MATR3: variants seen among roughly 807,000 people sequenced by gnomAD.
MATR3 encodes matrin 3, also known as matrin-3.
A neutral mutation model predicts 85.5 loss-of-function variants in MATR3; 4 were observed. The ratio of observed to expected loss-of-function variants is 0.05; its 90% CI spans 0.02 to 0.11. MATR3 has a LOEUF of 0.11. Ranked by LOEUF, MATR3 falls within the 10% of genes least tolerant of loss-of-function variation. The pLI is 1.00. For missense variants in MATR3, 685 were observed against 1,016.1 expected, an observed-to-expected ratio of 0.67 and a Z score of 4.43; for synonymous variants, 336 against 343.1, an observed-to-expected ratio of 0.98 and a Z score of 0.23.
At chr5:139,304,990 C>T (rs1443748589) in intron 1 of MATR3, among the ~76,000 whole-genome samples, 2 of 152,146 alleles carry the variant, frequency 1.3e-5, no homozygotes, top group Non-Finnish European at 2.9e-5. Flanking sequence ...CAACTTTGTT[C>T]TAATAAAACC....
intron 1 of MATR3, 146 bp downstream of exon 1, chr5:139,293,951 C>G: frequency 2.5e-6 from 3 of 1,209,718 alleles, no homozygotes; most frequent in Non-Finnish European, 2.1e-6. Context: ...CTCCGCGTTG[C>G]GTATGTGAGC....
chr5:139,306,131 C>T (rs776224497), intron 1 of MATR3, among the ~76,000 whole-genome samples: 1 of 152,134 alleles, frequency 6.6e-6, no homozygotes, highest in Non-Finnish European at 1.5e-5. Flanking sequence ...AATTGTTTCA[C>T]TGAAGATGTT....
At chr5:139,328,214 A>G (rs1436498454) in intron 14 of MATR3, among the ~76,000 whole-genome samples, 2 of 151,932 alleles carry the variant, frequency 1.3e-5, no homozygotes, top group East Asian at 3.8e-4. Flanking sequence ...CTTCATCAAG[A>G]AACTGTTAAG....
intron 13 of MATR3, among the ~76,000 whole-genome samples, chr5:139,325,910 T>A (rs1171920941): frequency 2.0e-5 from 3 of 152,188 alleles, no homozygotes; most frequent in Non-Finnish European, 4.4e-5. Flanking sequence ...TTCTTGCAAG[T>A]TACACGCTTT....
intron 3 of MATR3, chr5:139,279,874 T>C (rs1392973063): frequency 1.3e-5 from 2 of 152,242 alleles, no homozygotes; most frequent in Non-Finnish European, 2.9e-5. Flanking sequence ...TGCTGTGCAG[T>C]AGGTATATGC....
rs752884348 is a variant in MATR3, at chr5:139,316,208, G to T, written c.1129+20G>T. 1 of 1,564,150 alleles carries T rather than the reference G, an allele frequency of 6.4e-7. No individual in the cohort carries two copies. On this transcript the variant is annotated intron_variant, in intron 5 of 14. Transcript: ENST00000394805. Reference sequence around the variant, plus strand: ...ATCTGGGTAATTATATAAAATTCATGTTACTTTTCCCTACAGAGCCGTTAC... The same window carrying T: ...ATCTGGGTAATTATATAAAATTCATTTTACTTTTCCCTACAGAGCCGTTAC...
rs1168939782 is a variant in MATR3 at position 139,330,804 on chromosome 5, T to G, written c.*1409T>G. ...TGGATTATCTGTTGTAAACAATTTT[T>G]TTTTCTTCCCTGACACAGGGTCTCA... On this transcript the variant is annotated 3_prime_UTR_variant, in exon 15 of 15. Coordinates refer to ENST00000394805, the MANE Select transcript of MATR3 (RefSeq NM_018834.6). 2.2e-6 allele frequency: 1 copy of G among 454,108 alleles called. No individual in the cohort carries two copies. 28.1% of individuals were successfully genotyped at this position (454,108 alleles called of 1,614,324 possible).
intron 3 of MATR3, among the ~76,000 whole-genome samples, chr5:139,282,167 G>C (rs1471295535): frequency 6.6e-6 from 1 of 152,242 alleles, no homozygotes; most frequent in African/African-American, 2.4e-5. Context: ...TGACTCCTGT[G>C]AATGTTGTTG....
chr5:139,326,415 T>G, intron 14 of MATR3, 131 bp downstream of exon 14: 1 of 854,800 alleles, frequency 1.2e-6, no homozygotes, highest in Non-Finnish European at 1.8e-6. Context: ...AGATAACTTT[T>G]TATTTACTTT....
In MATR3 at chr5:139,315,702, C is replaced by G; in HGVS notation, c.980C>G (p.Pro327Arg). ...RRCQLLLEIY[P>R]EWNPDNDTGH... Reference sequence around the variant, plus strand: ...ATTTTCTGGTCTTTTTAAAGCTACCCAGAATGGAATCCTGACAATGATACA... The same window carrying G: ...ATTTTCTGGTCTTTTTAAAGCTACCGAGAATGGAATCCTGACAATGATACA... The change falls in exon 4 of 15, where the codon CCA becomes CGA. Residue 327 changes from proline to arginine, a missense_variant. Around this residue, in one of 9 missense-constraint regions of MATR3, gnomAD observed 223 missense variants for 334.4 expected, o/e 0.67. Coordinates refer to ENST00000394805, the MANE Select transcript of MATR3 (RefSeq NM_018834.6). 6.2e-7 allele frequency: 1 copy of G among 1,610,540 alleles called. No homozygotes were observed. The highest frequency in any genetic ancestry group is 8.5e-7 in the Non-Finnish European group (1 of 1,177,104).
intron 2 of MATR3, chr5:139,313,073 G>T (rs185865233): frequency 3.6e-5 from 5 of 137,730 alleles, no homozygotes; most frequent in Non-Finnish European, 1.5e-5. Flanking sequence ...ATACCAATCC[G>T]CAGCTTTTTG....
chr5:139,320,009 T>C (rs1484282380), intron 9 of MATR3, among the ~76,000 whole-genome samples: 4 of 150,274 alleles, frequency 2.7e-5, no homozygotes, highest in Non-Finnish European at 5.9e-5. Flanking sequence ...TTTTCTTGTA[T>C]TTAAAAAATA....
At chr5:139,276,469 C>G in intron 2 of MATR3, 1 of 336,466 alleles carries the variant, frequency 3.0e-6, no homozygotes, top group Non-Finnish European at 5.9e-6. Flanking sequence ...AATAACTCCT[C>G]ATAATGTGTT....
Position 139,329,503 on chromosome 5 carries a change from T to C in MATR3, c.*108T>C. 2.1e-6 allele frequency: 2 copies of C among 951,516 alleles called. No individual in the cohort carries two copies. Among genetic ancestry groups the C allele is most frequent in the Non-Finnish European group, 3.3e-6 (2 of 604,784 alleles). The allele number at this position is 951,516 out of a possible 1,614,324, so 58.9% of individuals were successfully genotyped here. A position where few individuals can be genotyped will look rare whatever the true frequency, so the allele number is the denominator to read the frequency against. Reference sequence around the variant, plus strand: ...TAGTTAGAAGAAAACTATTGTACTCTTTTGTTTTAGTGGAGAAATAATAGA... The same window carrying C: ...TAGTTAGAAGAAAACTATTGTACTCCTTTGTTTTAGTGGAGAAATAATAGA... On this transcript the variant is annotated 3_prime_UTR_variant, in exon 15 of 15. Transcript: ENST00000394805.
chr5:139,320,233 C>T lies in MATR3; in HGVS notation c.1602+732C>T, dbSNP rs531718896. 7.9e-5 allele frequency among the ~76,000 whole-genome samples: 12 copies of T among 151,618 alleles called. No homozygotes were observed. The South Asian group carries it at 1.0e-3, about 13-fold the overall frequency. On this transcript the variant is annotated intron_variant, in intron 9 of 14. Coordinates refer to ENST00000394805, the MANE Select transcript of MATR3 (RefSeq NM_018834.6). ...CTGAGGCAGGAGAATGGCATGAACCCGGGAGGCGGAGCTTGCAATGACTCG... is the reference window on the plus strand; with the variant it reads ...CTGAGGCAGGAGAATGGCATGAACCTGGGAGGCGGAGCTTGCAATGACTCG...
chr5:139,331,536 C>T lies in MATR3; in HGVS notation c.*2141C>T, dbSNP rs1257410034. ...TAAATCTGTAACAGCCCTTCGATTA[C>T]GAGAAAACCTCTTTTTAGTAGGAAT... On this transcript the variant is annotated 3_prime_UTR_variant, in exon 15 of 15. Transcript: ENST00000394805. The T allele has an allele frequency of 1.8e-5, 8 of 453,970 alleles. No individual in the cohort carries two copies. Among genetic ancestry groups the T allele is most frequent in the South Asian group, 4.7e-5 (3 of 64,482 alleles). The allele number at this position is 453,970 out of a possible 1,614,324, so 28.1% of individuals were successfully genotyped here.
rs535027907 is a variant in MATR3 at position 139,329,982 on chromosome 5, A to T, written c.*587A>T. On this transcript the variant is annotated 3_prime_UTR_variant, in exon 15 of 15. Transcript: ENST00000394805. Reference sequence around the variant, plus strand: ...AGAAATATTAAGTAATTGGCTTTAGATTTTGTAATTTTTTTCCCTGAGTTC... The same window carrying T: ...AGAAATATTAAGTAATTGGCTTTAGTTTTTGTAATTTTTTTCCCTGAGTTC... The T allele has an allele frequency of 4.4e-6, 2 of 452,890 alleles. No individual in the cohort carries two copies. The highest frequency in any genetic ancestry group is 4.0e-5 in the African/African-American group (2 of 49,848). 28.1% of individuals were successfully genotyped at this position (452,890 alleles called of 1,614,324 possible).
upstream of MATR3, chr5:139,293,643 A>AG (rs1015353364): frequency 9.5e-6 from 2 of 210,726 alleles, no homozygotes; most frequent in East Asian, 9.3e-5. Flanking sequence ...AACCAGATCG[A>AG]GGGGGTGGGG....
rs1216771945 is a variant in MATR3 at position 139,327,511 on chromosome 5, T to C, written c.2493+1227T>C. Among the ~76,000 whole-genome samples the C allele has an allele frequency of 2.0e-5, 3 of 152,140 alleles. No homozygotes were observed. The East Asian group carries it at 5.8e-4, about 29-fold the overall frequency. On this transcript the variant is annotated intron_variant, in intron 14 of 14. Transcript: ENST00000394805. ...ATTTTGGCTCACCCCAACCCCCGCC[T>C]CCCAGGTTCAAGCCATTCTCTTGCC... is the stretch of plus-strand genomic sequence containing the variant.
Sources: gnomAD v4.1 joint callset for allele counts (sites outside exome capture counted in the v4.1 genomes callset) on GRCh38, gnomAD v4.1.1 for gene constraint, gnomAD v4.1.1 regional missense constraint, MANE v1.5 for transcripts, NCBI Gene and HGNC (gene_info 2026-07-23, HGNC 2026-07-21) for gene names.